C4orf51: variants seen among roughly 807,000 people sequenced by gnomAD.
C4orf51 encodes the protein uncharacterized protein C4orf51.
A neutral mutation model predicts 25.2 loss-of-function variants in C4orf51; 25 were observed. The observed-to-expected ratio is 0.99, with a 90% CI of 0.72 to 1.39. The LOEUF is 1.39. C4orf51 is among the 40% of genes most tolerant of loss of function. The pLI is 0.00. For missense variants in C4orf51, 252 were observed against 239.6 expected, an observed-to-expected ratio of 1.05 and a Z score of -0.34; for synonymous variants, 100 against 84.5, an observed-to-expected ratio of 1.18 and a Z score of -1.01.
intron 2 of C4orf51, among the ~76,000 whole-genome samples, chr4:145,711,418 T>C (rs1731120833): frequency 6.6e-6 from 1 of 152,222 alleles, no homozygotes; most frequent in Non-Finnish European, 1.5e-5. Flanking sequence ...GAATTTTTTA[T>C]CTTCATGTAC....
At chr4:145,740,534 G>A (rs556512973) in intron 1 of C4orf51, among the ~76,000 whole-genome samples, 8 of 152,234 alleles carry the variant, frequency 5.3e-5, no homozygotes, top group Non-Finnish European at 7.4e-5. Flanking sequence ...TTTAAAGAGA[G>A]GGATTCTGAA....
In C4orf51 at chr4:145,761,466, G is replaced by A. The variant is rs1489646649; in HGVS notation, n.167-9522G>A. 1 of 1,289,736 alleles carries A rather than the reference G, an allele frequency of 7.8e-7. No homozygotes were observed. Among genetic ancestry groups the A allele is most frequent in the Non-Finnish European group, 1.0e-6 (1 of 988,878 alleles). The allele number at this position is 1,289,736 out of a possible 1,614,324, so 79.9% of individuals were successfully genotyped here. ...GGTTGCCCAGGCGGTGCTCCCGGGT[G>A]TGCGTCTCCAGCTCCAGCTGGTTGG... On this transcript the variant is annotated intron_variant and non_coding_transcript_variant, in intron 1 of 1. Coordinates refer to the C4orf51 transcript ENST00000510096. This position sits in a 1 kb window ranked among gnomAD's most constrained non-coding sequence, Gnocchi z 6.8.
chr4:145,749,973 T>A (rs916852854), intron 1 of C4orf51, among the ~76,000 whole-genome samples: 1 of 152,152 alleles, frequency 6.6e-6, no homozygotes, highest in Non-Finnish European at 1.5e-5. Context: ...TTAACACTGT[T>A]AGCCTAAAAA....
At chr4:145,714,470 T>C (rs1396263179) in intron 2 of C4orf51, among the ~76,000 whole-genome samples, 1 of 152,218 alleles carries the variant, frequency 6.6e-6, no homozygotes, top group Non-Finnish European at 1.5e-5. Flanking sequence ...TTCCTACATA[T>C]CTGCCACTAT....
At chr4:145,702,877 A>G (rs1167757659) in intron 2 of C4orf51, among the ~76,000 whole-genome samples, 1 of 148,902 alleles carries the variant, frequency 6.7e-6, no homozygotes, top group African/African-American at 2.5e-5. Flanking sequence ...TTACCACAAG[A>G]CCTCCCTTCA....
At chr4:145,782,439 T>C in the C4orf51 span, among the ~76,000 whole-genome samples, 1 of 152,184 alleles carries the variant, frequency 6.6e-6, no homozygotes, top group South Asian at 2.1e-4. Context: ...CCAAGTGCCA[T>C]GTGAGAAACT....
At chr4:145,686,149 G>C (rs1240618281) in intron 1 of C4orf51, among the ~76,000 whole-genome samples, 1 of 152,152 alleles carries the variant, frequency 6.6e-6, no homozygotes, top group Non-Finnish European at 1.5e-5. Flanking sequence ...TATGCTAAGT[G>C]AATAAAGTCA....
chr4:145,682,370 G>T (rs1461261763), intron 1 of C4orf51, among the ~76,000 whole-genome samples: 4 of 152,072 alleles, frequency 2.6e-5, no homozygotes, highest in Non-Finnish European at 5.9e-5. Context: ...CTTTTTCATG[G>T]CTAATTTTAG....
intron 2 of C4orf51, among the ~76,000 whole-genome samples, chr4:145,702,758 T>A (rs1246774758): frequency 6.6e-6 from 1 of 152,152 alleles, no homozygotes; most frequent in African/African-American, 2.4e-5. Context: ...TACCTGTTTT[T>A]CTCCTCTTAT....
intron 1 of C4orf51, among the ~76,000 whole-genome samples, chr4:145,744,960 G>A (rs1266483429): frequency 1.3e-5 from 2 of 151,944 alleles, no homozygotes; most frequent in Non-Finnish European, 2.9e-5. Flanking sequence ...TGAGCAAGGA[G>A]GTATTCATTC....
At chr4:145,776,525 T>G in the C4orf51 span, among the ~76,000 whole-genome samples, 1 of 151,588 alleles carries the variant, frequency 6.6e-6, no homozygotes, top group Non-Finnish European at 1.5e-5. Context: ...TTTTTTTTCC[T>G]GGACACCCAC....
chr4:145,767,062 A>G (rs1254731583), intron 1 of C4orf51, among the ~76,000 whole-genome samples: 1 of 152,228 alleles, frequency 6.6e-6, no homozygotes, highest in Non-Finnish European at 1.5e-5. Context: ...ATGTGCAAAA[A>G]GATAAACACA....
chr4:145,733,064 C>A (rs1339812404), downstream of C4orf51, among the ~76,000 whole-genome samples: 1 of 152,148 alleles, frequency 6.6e-6, no homozygotes, highest in East Asian at 1.9e-4. Context: ...ACGCGGCGGG[C>A]TCGCGAGCTC....
intron 1 of C4orf51, chr4:145,760,884 G>C (rs1223947080): frequency 1.6e-6 from 2 of 1,228,588 alleles, no homozygotes; most frequent in South Asian, 2.9e-5. Context: ...GGTGGAATGT[G>C]AGATCCAAGT....
intron 2 of C4orf51, among the ~76,000 whole-genome samples, chr4:145,710,897 A>G (rs1731095646): frequency 6.6e-6 from 1 of 152,166 alleles, no homozygotes; most frequent in African/African-American, 2.4e-5. Context: ...GAAGAAAGCA[A>G]AGATCACTTG....
At chr4:145,712,504 A>G (rs144696945) in intron 2 of C4orf51, among the ~76,000 whole-genome samples, 2,460 of 152,362 alleles carry the variant, frequency 0.016, 199 homozygotes, top group Admixed American at 0.13. Flanking sequence ...CATTTTCTTA[A>G]GCCAAAGCCT....
chr4:145,761,763 T>C lies in C4orf51; in HGVS notation n.167-9225T>C, dbSNP rs1263937038. On this transcript the variant is annotated intron_variant and non_coding_transcript_variant, in intron 1 of 1. Transcript: ENST00000510096. This position sits in a 1 kb window ranked among gnomAD's most constrained non-coding sequence, Gnocchi z 6.8. ...GCCTCTCAGGGGTGGAACGGCCCTT[T>C]TTGGCTCTCCCTGCTGACAGAGCAG... Among the ~76,000 whole-genome samples the C allele has an allele frequency of 1.3e-5, 2 of 152,128 alleles. No homozygotes were observed. Among genetic ancestry groups the C allele is most frequent in the Non-Finnish European group, 2.9e-5 (2 of 67,988 alleles).
chr4:145,789,812 AT>A, the C4orf51 span, among the ~76,000 whole-genome samples: 1 of 152,246 alleles, frequency 6.6e-6, no homozygotes, highest in East Asian at 1.9e-4. Context: ...AAGAAGAAGC[AT>A]CCATGATCAC....
At chr4:145,788,078 G>C in the C4orf51 span, among the ~76,000 whole-genome samples, 1 of 152,168 alleles carries the variant, frequency 6.6e-6, no homozygotes, top group Non-Finnish European at 1.5e-5. Flanking sequence ...CAGTCTGCCT[G>C]CTCCTCTAAG....
Sources: allele counts gnomAD v4.1 joint callset (sites outside exome capture counted in the v4.1 genomes callset), GRCh38; gene constraint gnomAD v4.1.1; non-coding constraint Gnocchi (gnomAD v3.1); transcripts MANE v1.5; gene names NCBI Gene and HGNC (gene_info 2026-07-23, HGNC 2026-07-21).